Variants in SLCO5A1 observed in about 807,000 individuals in gnomAD.
SLCO5A1 encodes solute carrier organic anion transporter family member 5A1.
In SLCO5A1, 39 loss-of-function variants were observed where a neutral mutation model predicts 65.1. That is an observed-to-expected ratio of 0.60 (90% CI 0.46 to 0.78). The LOEUF (loss-of-function observed/expected upper bound fraction) is 0.78, where lower values mean the gene tolerates loss of function less well. Ranked by LOEUF, SLCO5A1 falls within the 30% of genes least tolerant of loss-of-function variation. The probability of loss-of-function intolerance (pLI) is 0.00; values close to 1 mark genes in which losing one functional copy is unlikely to be tolerated. For missense variants in SLCO5A1, 1,029 were observed against 1,069.4 expected (o/e 0.96, Z 0.53); for synonymous variants, 438 against 415.7 (o/e 1.05, Z -0.65).
At chr8:69,685,796 A>G (rs1813976389) in intron 6 of SLCO5A1, among the ~76,000 whole-genome samples, 1 of 152,218 alleles carries the variant, frequency 6.6e-6, no homozygotes, top group African/African-American at 2.4e-5. Context: ...GGAGACAGCA[A>G]AAGAGAAAAC....
At chr8:69,798,347 A>G (rs1200053808) in intron 2 of SLCO5A1, among the ~76,000 whole-genome samples, 2 of 152,162 alleles carry the variant, frequency 1.3e-5, no homozygotes, top group Non-Finnish European at 2.9e-5. Flanking sequence ...TAATTTATAA[A>G]GAAAAGAGCT....
intron 2 of SLCO5A1, among the ~76,000 whole-genome samples, chr8:69,823,077 T>G (rs181128559): frequency 2.0e-5 from 3 of 152,338 alleles, no homozygotes; most frequent in Admixed American, 2.0e-4. Context: ...TCCTACCTAG[T>G]TCGGCATTCT....
intron 5 of SLCO5A1, among the ~76,000 whole-genome samples, chr8:69,728,197 C>A (rs974916594): frequency 3.3e-5 from 5 of 151,894 alleles, no homozygotes; most frequent in Admixed American, 2.0e-4. Context: ...ATGTAAAATA[C>A]CGATGTATAT....
chr8:69,789,459 A>G (rs1311051545), intron 2 of SLCO5A1, among the ~76,000 whole-genome samples: 3 of 152,222 alleles, frequency 2.0e-5, no homozygotes. Context: ...AGGGTCTTCT[A>G]TGTGGAATCA....
intron 9 of SLCO5A1, among the ~76,000 whole-genome samples, chr8:69,674,310 G>C (rs955984887): frequency 1.3e-5 from 2 of 152,206 alleles, no homozygotes; most frequent in Admixed American, 1.3e-4. Flanking sequence ...TGGGAGGGAG[G>C]AGGGAGGAAG....
At position 69,832,904 on chromosome 8, in the gene SLCO5A1, G is replaced by C; in HGVS notation, c.-231C>G. 1.7e-6 allele frequency: 1 copy of C among 582,776 alleles called. No homozygotes were observed. The highest frequency in any genetic ancestry group is 2.0e-5 in the South Asian group (1 of 48,846). 36.1% of individuals were successfully genotyped at this position (582,776 alleles called of 1,614,324 possible). ...CAGCCGCGTGCCACAGGGGGCAGGG[G>C]TCCGCGCGGTACTGCGATGAGCCCT... is the stretch of plus-strand genomic sequence containing the variant. On this transcript the variant is annotated 5_prime_UTR_variant, in exon 2 of 10. Transcript: ENST00000260126. The surrounding 1 kb of genome is among the most constrained non-coding windows in gnomAD (Gnocchi z 4.5).
intron 3 of SLCO5A1, among the ~76,000 whole-genome samples, chr8:69,760,571 A>G (rs1206170428): frequency 6.6e-6 from 1 of 152,194 alleles, no homozygotes; most frequent in Non-Finnish European, 1.5e-5. Context: ...TCCAAAAAAA[A>G]GTGAGTGAGT....
intron 8 of SLCO5A1, among the ~76,000 whole-genome samples, chr8:69,677,821 G>A (rs1813610993): frequency 6.6e-6 from 1 of 152,204 alleles, no homozygotes; most frequent in Admixed American, 6.5e-5. Flanking sequence ...CTTCCTGCAA[G>A]GTGCCCAGCA....
chr8:69,757,337 T>C (rs1478648922), intron 3 of SLCO5A1, among the ~76,000 whole-genome samples: 1 of 152,094 alleles, frequency 6.6e-6, no homozygotes, highest in Non-Finnish European at 1.5e-5. Context: ...GCTGAATAAA[T>C]AAATTGAAAG....
chr8:69,824,183 C>A (rs780271730), intron 2 of SLCO5A1, among the ~76,000 whole-genome samples: 11,526 of 151,450 alleles, frequency 0.076, 592 homozygotes, highest in Non-Finnish European at 0.11. Flanking sequence ...AGGAAAGATC[C>A]AAAATTGACA....
intron 2 of SLCO5A1, among the ~76,000 whole-genome samples, chr8:69,784,887 GAAGAAAGGAAGA>G (rs773974601): frequency 2.7e-4 from 21 of 76,596 alleles, no homozygotes; most frequent in African/African-American, 1.0e-3. Flanking sequence ...AAGAAAGAAA[GAAGAAAGGAAGA>G]AAGAAAGAAA....
At chr8:69,726,639 A>G (rs981960500) in intron 5 of SLCO5A1, among the ~76,000 whole-genome samples, 1 of 151,880 alleles carries the variant, frequency 6.6e-6, no homozygotes, top group African/African-American at 2.4e-5. Flanking sequence ...AGCTGGGATT[A>G]CAGGCGTGTG....
chr8:69,732,545 G>C (rs942485033), intron 5 of SLCO5A1, among the ~76,000 whole-genome samples: 4 of 152,130 alleles, frequency 2.6e-5, no homozygotes, highest in Non-Finnish European at 5.9e-5. Flanking sequence ...CAGCATATAC[G>C]TATTATAATA....
intron 6 of SLCO5A1, among the ~76,000 whole-genome samples, chr8:69,692,652 CT>C (rs1250242640): frequency 2.6e-5 from 4 of 152,104 alleles, no homozygotes; most frequent in Non-Finnish European, 5.9e-5. Context: ...CCGTTTTAAA[CT>C]TTTTCTTAAA....
intron 5 of SLCO5A1, among the ~76,000 whole-genome samples, chr8:69,705,490 C>T (rs34693001): frequency 4.6e-5 from 7 of 152,148 alleles, no homozygotes; most frequent in Non-Finnish European, 8.8e-5. Flanking sequence ...GTGAGTAAAA[C>T]TTGAATAAGT....
chr8:69,688,677 T>A (rs1259154436), intron 6 of SLCO5A1, among the ~76,000 whole-genome samples: 1 of 152,236 alleles, frequency 6.6e-6, no homozygotes, highest in Non-Finnish European at 1.5e-5. Flanking sequence ...TCATCATTTT[T>A]TATGGCTGTA....
chr8:69,737,935 G>A, intron 5 of SLCO5A1, 105 bp downstream of exon 5: 1 of 1,205,988 alleles, frequency 8.3e-7, no homozygotes, highest in Non-Finnish European at 1.1e-6. Flanking sequence ...AGCTGTTAAT[G>A]AACTAGCTTA....
intron 5 of SLCO5A1, among the ~76,000 whole-genome samples, chr8:69,720,479 A>G (rs1815770435): frequency 6.6e-6 from 1 of 152,256 alleles, no homozygotes; most frequent in Non-Finnish European, 1.5e-5. Context: ...AAGTGTTAAT[A>G]TTTCTGTACT....
rs1167227433 is a variant in SLCO5A1, at chr8:69,671,557, G to A, written c.*1312C>T. On this transcript the variant is annotated 3_prime_UTR_variant, in exon 10 of 10. Transcript: ENST00000260126. ...TTCTCTATGATGCTTACTTCAAAGT[G>A]ATGTGCTGGGAGGTACTGAAAAGAA... The A allele has an allele frequency of 3.9e-5, 6 of 152,250 alleles. No individual in the cohort carries two copies. The highest frequency in any genetic ancestry group is 5.9e-5 in the Non-Finnish European group (4 of 68,012). 9.4% of individuals were successfully genotyped at this position (152,250 alleles called of 1,614,324 possible).
Sources: gnomAD v4.1 joint callset for allele counts (sites outside exome capture counted in the v4.1 genomes callset) on GRCh38, gnomAD v4.1.1 for gene constraint, Gnocchi (gnomAD v3.1) non-coding constraint, MANE v1.5 for transcripts, NCBI Gene and HGNC (gene_info 2026-07-23, HGNC 2026-07-21) for gene names.